The following GTF2IRD1 variants were observed in gnomAD, a reference collection of about 807,000 sequenced individuals.
GTF2IRD1 encodes GTF2I repeat domain containing 1.
A neutral mutation model predicts 113.2 loss-of-function variants in GTF2IRD1; 26 were observed. That is an observed-to-expected ratio of 0.23 (90% CI 0.17 to 0.32). The LOEUF is 0.32. Ranked by LOEUF, GTF2IRD1 falls within the 10% of genes least tolerant of loss-of-function variation. The probability of loss-of-function intolerance (pLI) is 1.00; values close to 1 mark genes in which losing one functional copy is unlikely to be tolerated. For missense variants in GTF2IRD1, 864 were observed against 1,280.8 expected (o/e 0.67, Z 4.97); for synonymous variants, 484 against 529.1 (o/e 0.91, Z 1.17).
chr7:74,556,620 CTTTTTTTTTT>C (rs782679644), intron 19 of GTF2IRD1, among the ~76,000 whole-genome samples: 1 of 107,162 alleles, frequency 9.3e-6, no homozygotes, highest in African/African-American at 3.6e-5. Context: ...CTGCACCCAG[CTTTTTTTTTT>C]TTTTTTTTTT....
At chr7:74,565,803 C>G (rs1403017139) in intron 22 of GTF2IRD1, among the ~76,000 whole-genome samples, 9 of 151,932 alleles carry the variant, frequency 5.9e-5, no homozygotes, top group African/African-American at 1.9e-4. Flanking sequence ...GAACCCATCT[C>G]TACAAAAAAA....
intron 1 of GTF2IRD1, among the ~76,000 whole-genome samples, chr7:74,460,805 A>G (rs1304187071): frequency 6.6e-6 from 1 of 152,204 alleles, no homozygotes; most frequent in Non-Finnish European, 1.5e-5. Flanking sequence ...GTGCTGGGAA[A>G]GTGTCTGCAA....
chr7:74,491,311 CTT>C (rs1178298791), intron 1 of GTF2IRD1, among the ~76,000 whole-genome samples: 84 of 95,682 alleles, frequency 8.8e-4, no homozygotes, highest in African/African-American at 1.6e-3. Context: ...AAAAAAAATT[CTT>C]TTTTTTTTTT....
chr7:74,477,048 A>C (rs1794456008), intron 1 of GTF2IRD1, among the ~76,000 whole-genome samples: 1 of 152,124 alleles, frequency 6.6e-6, no homozygotes, highest in African/African-American at 2.4e-5. Flanking sequence ...GGGCTCTGGA[A>C]GATGGGGCAT....
intron 3 of GTF2IRD1, among the ~76,000 whole-genome samples, chr7:74,513,366 C>T (rs1213004662): frequency 6.6e-6 from 1 of 152,116 alleles, no homozygotes; most frequent in African/African-American, 2.4e-5. Context: ...AGTGCAGTGG[C>T]ACAATTTTGG....
At chr7:74,566,037 A>ACACC (rs1491121434) in intron 22 of GTF2IRD1, among the ~76,000 whole-genome samples, 2 of 150,908 alleles carry the variant, frequency 1.3e-5, no homozygotes, top group African/African-American at 4.9e-5. Context: ...ACACACACAC[A>ACACC]CCCTAAAGAG....
intron 6 of GTF2IRD1, among the ~76,000 whole-genome samples, chr7:74,520,886 A>AT (rs1554345773): frequency 1.4e-5 from 2 of 144,452 alleles, no homozygotes; most frequent in East Asian, 2.0e-4. Context: ...TATTATTATT[A>AT]TAAGGGGGAA....
At chr7:74,478,313 T>G (rs1794545111) in intron 1 of GTF2IRD1, among the ~76,000 whole-genome samples, 1 of 152,224 alleles carries the variant, frequency 6.6e-6, no homozygotes, top group African/African-American at 2.4e-5. Context: ...ATCACTGCTG[T>G]TAAGTGAGCG....
intron 1 of GTF2IRD1, among the ~76,000 whole-genome samples, chr7:74,486,922 A>G (rs1554335673): frequency 6.6e-6 from 1 of 152,180 alleles, no homozygotes; most frequent in African/African-American, 2.4e-5. Context: ...GGAGTTTGAA[A>G]CCAGCCTGGA....
At chr7:74,569,012 A>G (rs374790389) in intron 22 of GTF2IRD1, among the ~76,000 whole-genome samples, 1 of 152,196 alleles carries the variant, frequency 6.6e-6, no homozygotes, top group East Asian at 1.9e-4. Context: ...ATAAGACGGG[A>G]GCAGGGTGGG....
rs140054005 is a variant in GTF2IRD1, at chr7:74,455,642, A to AG, written c.-7+1469dup. On this transcript the variant is annotated intron_variant, in intron 1 of 26. Transcript: ENST00000424337. ...TGAACCGCCCTATTTGGGGCCCAGG[A>AG]GGGTGTGAGATAGACTCTGACCTCT... Among the ~76,000 whole-genome samples, 776 of 152,266 alleles carry AG rather than the reference A, an allele frequency of 5.1e-3. 7 individuals are homozygous for AG. Among genetic ancestry groups the AG allele is most frequent in the African/African-American group, 0.018 (728 of 41,568 alleles).
At chr7:74,489,860 G>A (rs1554336329) in intron 1 of GTF2IRD1, among the ~76,000 whole-genome samples, 1 of 152,190 alleles carries the variant, frequency 6.6e-6, no homozygotes, top group Non-Finnish European at 1.5e-5. Context: ...AGCAAAGTTT[G>A]TCCCATCTTT....
At chr7:74,470,957 A>C (rs1554332168) in intron 1 of GTF2IRD1, among the ~76,000 whole-genome samples, 1 of 151,976 alleles carries the variant, frequency 6.6e-6, no homozygotes, top group African/African-American at 2.4e-5. Flanking sequence ...GCGTGCCACC[A>C]CACCTGGTTA....
At chr7:74,539,350 G>C (rs2130585300) in intron 13 of GTF2IRD1, among the ~76,000 whole-genome samples, 1 of 152,176 alleles carries the variant, frequency 6.6e-6, no homozygotes, top group East Asian at 1.9e-4. Flanking sequence ...CAGGAGGCTA[G>C]GGCAGGAGGA....
At chr7:74,595,097 G>C in intron 25 of GTF2IRD1, 46 bp downstream of exon 25, 2 of 1,420,096 alleles carry the variant, frequency 1.4e-6, no homozygotes, top group Admixed American at 1.8e-5. Context: ...GTGGGGACTA[G>C]AGACTGTTCC....
intron 22 of GTF2IRD1, among the ~76,000 whole-genome samples, chr7:74,567,933 G>A (rs1800424356): frequency 2.0e-5 from 3 of 151,992 alleles, no homozygotes; most frequent in Admixed American, 6.6e-5. Context: ...TTACAGGCGC[G>A]TGCTATCGCG....
At chr7:74,547,438 C>CTTT in intron 17 of GTF2IRD1, 152 bp downstream of exon 17, 1 of 499,378 alleles carries the variant, frequency 2.0e-6, no homozygotes, top group Admixed American at 4.0e-5. Context: ...CCATGCCCAG[C>CTTT]CTTTTTTTTT....
intron 1 of GTF2IRD1, among the ~76,000 whole-genome samples, chr7:74,487,944 C>A (rs1321614587): frequency 6.6e-6 from 1 of 152,018 alleles, no homozygotes; most frequent in Admixed American, 6.6e-5. Flanking sequence ...CCTCAAACAT[C>A]ATGGTAAGAG....
chr7:74,554,562 G>A (rs781950774), intron 17 of GTF2IRD1, among the ~76,000 whole-genome samples: 1 of 151,902 alleles, frequency 6.6e-6, no homozygotes, highest in Non-Finnish European at 1.5e-5. Flanking sequence ...ATTTTGAGAC[G>A]GAGTCTTACT....
Sources: allele counts gnomAD v4.1 joint callset (sites outside exome capture counted in the v4.1 genomes callset), GRCh38; gene constraint gnomAD v4.1.1; transcripts MANE v1.5; gene names NCBI Gene and HGNC (gene_info 2026-07-23, HGNC 2026-07-21).